The following ABCB9 variants were observed in gnomAD, a reference collection of about 807,000 sequenced individuals.
ABCB9 encodes ATP binding cassette subfamily B member 9.
ABCB9 carries 36 observed loss-of-function variants against 62.0 expected under a neutral mutation model. The observed-to-expected ratio is 0.58, with a 90% CI of 0.45 to 0.77. The LOEUF is 0.77. Ranked by LOEUF, ABCB9 falls within the 30% of genes least tolerant of loss-of-function variation. ABCB9 has a pLI of 0.00. For missense variants in ABCB9, 943 were observed against 1,054.7 expected (o/e 0.89, Z 1.47); for synonymous variants, 435 against 461.4 (o/e 0.94, Z 0.73).
intron 1 of ABCB9, 148 bp from the exon 2 acceptor site, chr12:122,960,470 C>T: frequency 1.7e-6 from 1 of 603,778 alleles, no homozygotes; most frequent in East Asian, 2.8e-5. Context: ...ACTAAGATTC[C>T]ACTCATTCAA....
intron 11 of ABCB9, among the ~76,000 whole-genome samples, chr12:122,923,276 G>A (rs59187995): frequency 0.056 from 8,365 of 149,858 alleles, 765 homozygotes; most frequent in African/African-American, 0.19. Flanking sequence ...CCTTACACCA[G>A]TACTTCTTAT....
intron 9 of ABCB9, 95 bp from the exon 10 acceptor site, chr12:122,935,526 A>C: frequency 4.8e-6 from 7 of 1,453,134 alleles, no homozygotes; most frequent in Non-Finnish European, 6.5e-6. Context: ...AGACACCAGC[A>C]GTCTCAGGCC....
At chr12:122,926,930 C>T (rs2034923250), downstream of ABCB9, among the ~76,000 whole-genome samples, 2 of 152,180 alleles carry the variant, frequency 1.3e-5, no homozygotes, top group African/African-American at 2.4e-5. Context: ...AACAAAAACA[C>T]TCCTATCTTA....
At chr12:122,963,676 A>G (rs1028054043) in intron 1 of ABCB9, among the ~76,000 whole-genome samples, 5 of 152,062 alleles carry the variant, frequency 3.3e-5, no homozygotes, top group Non-Finnish European at 4.4e-5. Context: ...CACAACCCCT[A>G]CTAATGCTGA....
intron 7 of ABCB9, among the ~76,000 whole-genome samples, chr12:122,941,718 T>C (rs1239357427): frequency 6.6e-6 from 1 of 152,034 alleles, no homozygotes; most frequent in East Asian, 1.9e-4. Context: ...CCCATTTTCT[T>C]AAGTATTCTC....
intron 1 of ABCB9, chr12:122,974,382 T>C (rs1446155396): frequency 1.3e-5 from 2 of 152,202 alleles, no homozygotes; most frequent in Admixed American, 1.3e-4. Flanking sequence ...AGAAGCCCTG[T>C]GGTGGTTAAC....
In ABCB9 at chr12:122,930,031, C is replaced by A. The variant is rs758423439; in HGVS notation, c.2181G>T (p.Leu727=). ...TGGCGTAGAGGCCGCCCTGGGCCAG[C>A]AGCTGCTGGTGGGTGCCCTGCTGCA... is the stretch of plus-strand genomic sequence containing the variant. ...RVVQQGTHQQ[L]LAQGGLYAKL... is the part of the protein sequence containing the mutation. Residue 727 remains leucine, a synonymous_variant, in exon 12 of 12, where the codon CTG becomes CTT. Transcript: ENST00000280560. The surrounding 1 kb of genome is among the most constrained non-coding windows in gnomAD (Gnocchi z 4.9). 3 of 1,573,528 alleles carry A rather than the reference C, an allele frequency of 1.9e-6. No individual in the cohort carries two copies. In the South Asian group the frequency reaches 3.5e-5, roughly 18 times the overall value.
intron 7 of ABCB9, among the ~76,000 whole-genome samples, chr12:122,942,167 G>C (rs938604147): frequency 6.6e-6 from 1 of 152,170 alleles, no homozygotes; most frequent in South Asian, 2.1e-4. Context: ...TTTGAATCCA[G>C]GCCCATCTGT....
intron 9 of ABCB9, among the ~76,000 whole-genome samples, 171 bp from the exon 10 acceptor site, chr12:122,935,602 G>T (rs538367668): frequency 6.6e-6 from 1 of 152,118 alleles, no homozygotes; most frequent in Non-Finnish European, 1.5e-5. Context: ...AGTGACTCCC[G>T]CCTGTACCCA....
rs1165231579 is a variant in ABCB9 at position 122,932,742 on chromosome 12, C to T, written c.1904-414G>A. On this transcript the variant is annotated intron_variant, in intron 10 of 11. Coordinates refer to ENST00000280560, the MANE Select transcript of ABCB9 (RefSeq NM_019625.4). This position sits in a 1 kb window ranked among gnomAD's most constrained non-coding sequence, Gnocchi z 4.7. ...ACCACAGATGTGTGGCCTGTGGCCC[C>T]GCAAGCCCACCTGGACCAATTTTCC... is the stretch of plus-strand genomic sequence containing the variant. 1.3e-5 allele frequency among the ~76,000 whole-genome samples: 2 copies of T among 152,132 alleles called. No homozygotes were observed. The highest frequency in any genetic ancestry group is 1.9e-4 in the East Asian group (1 of 5,180).
At position 122,932,466 on chromosome 12, in the gene ABCB9, C is replaced by T; in HGVS notation, c.1904-138G>A. 1 of 1,188,018 alleles carries T rather than the reference C, an allele frequency of 8.4e-7. No individual in the cohort carries two copies. The highest frequency in any genetic ancestry group is 1.1e-6 in the Non-Finnish European group (1 of 872,832). 73.6% of individuals were successfully genotyped at this position (1,188,018 alleles called of 1,614,324 possible). ...CTTGAAAGCTCATGAAATGATGTTCCCCCCACCCAACTCATAAGGGGCATG... is the reference window on the plus strand; with the variant it reads ...CTTGAAAGCTCATGAAATGATGTTCTCCCCACCCAACTCATAAGGGGCATG... On this transcript the variant is annotated intron_variant, in intron 10 of 11. Transcript: ENST00000280560. The surrounding 1 kb of genome is among the most constrained non-coding windows in gnomAD (Gnocchi z 4.7).
downstream of ABCB9, among the ~76,000 whole-genome samples, chr12:122,918,678 G>A (rs376987724): frequency 1.9e-3 from 285 of 151,830 alleles, 3 homozygotes; most frequent in African/African-American, 6.5e-3. Context: ...GGCTGGTCTC[G>A]AACTCCTGGG....
At chr12:122,969,817 A>G (rs1348675604), upstream of ABCB9, among the ~76,000 whole-genome samples, 1 of 152,160 alleles carries the variant, frequency 6.6e-6, no homozygotes, top group African/African-American at 2.4e-5. Flanking sequence ...TGTGATATCA[A>G]TACACACACA....
chr12:122,962,520 C>T (rs1221783178), intron 1 of ABCB9, among the ~76,000 whole-genome samples: 4 of 152,170 alleles, frequency 2.6e-5, no homozygotes, highest in East Asian at 1.9e-4. Context: ...CACAGTCCCA[C>T]GAGGCCAGGG....
In ABCB9 at chr12:122,946,130, G is replaced by T; in HGVS notation, c.1146C>A (p.Ala382=). Residue 382 remains alanine (A), a synonymous_variant, in exon 6 of 12, where the codon GCC becomes GCA. Transcript: ENST00000280560. ...ISAMKTVRSF[A]NEEEEAEVYL... is the part of the protein sequence containing the mutation. ...ACACCTCTGCCTCCTCCTCCTCATT[G>T]GCGAAGCTCCGGACAGTCTTCATGG... 2 of 1,614,068 alleles carry T rather than the reference G, an allele frequency of 1.2e-6. No homozygotes were observed. Among genetic ancestry groups the T allele is most frequent in the South Asian group, 1.1e-5 (1 of 91,070 alleles).
chr12:122,968,980 G>A (rs957547746), upstream of ABCB9, among the ~76,000 whole-genome samples: 5 of 152,102 alleles, frequency 3.3e-5, no homozygotes, highest in East Asian at 1.9e-4. Context: ...TGGCCACTGC[G>A]TCCCTTTCAC....
intron 4 of ABCB9, among the ~76,000 whole-genome samples, chr12:122,949,574 C>T (rs1160897404): frequency 6.6e-6 from 1 of 152,182 alleles, no homozygotes; most frequent in Non-Finnish European, 1.5e-5. Context: ...TGGCCTGGGC[C>T]CCACAGAGGC....
intron 6 of ABCB9, 26 bp downstream of exon 6, chr12:122,945,999 A>C: frequency 6.2e-7 from 1 of 1,610,418 alleles, no homozygotes. Context: ...CTCCACAGCC[A>C]GAGCTGCCTG....
upstream of ABCB9, among the ~76,000 whole-genome samples, chr12:122,969,213 G>A (rs1039775686): frequency 2.0e-5 from 3 of 147,018 alleles, no homozygotes; most frequent in Non-Finnish European, 3.0e-5. Flanking sequence ...GCAGCCAACT[G>A]GCTTGAGTGG....
Sources: allele counts gnomAD v4.1 joint callset (sites outside exome capture counted in the v4.1 genomes callset), GRCh38; gene constraint gnomAD v4.1.1; non-coding constraint Gnocchi (gnomAD v3.1); transcripts MANE v1.5; gene names NCBI Gene and HGNC (gene_info 2026-07-23, HGNC 2026-07-21).